Variants in METTL2B observed in about 807,000 individuals in gnomAD.
METTL2B encodes the protein tRNA N(3)-cytidine methyltransferase METTL2B.
A neutral mutation model predicts 51.0 loss-of-function variants in METTL2B; 28 were observed. The observed-to-expected ratio is 0.55, with a 90% confidence interval of 0.41 to 0.75. The LOEUF (loss-of-function observed/expected upper bound fraction) is 0.75, where lower values mean the gene tolerates loss of function less well. METTL2B is among the 30% of genes least tolerant of loss of function. The pLI, the probability that METTL2B is intolerant of heterozygous loss-of-function variation, is 0.00. For synonymous variants in METTL2B, 128 were observed against 166.3 expected (o/e 0.77, Z 1.77); for missense variants, 313 against 460.7 (o/e 0.68, Z 2.93).
At chr7:128,478,252 C>CTT (rs1273795166) in intron 2 of METTL2B, among the ~76,000 whole-genome samples, 22 of 141,028 alleles carry the variant, frequency 1.6e-4, no homozygotes, top group African/African-American at 3.6e-4. Flanking sequence ...ACTGTCCATA[C>CTT]TTTTTTTTTT....
intron 3 of METTL2B, 113 bp downstream of exon 3, chr7:128,479,626 G>C (rs1799848756): frequency 7.6e-6 from 9 of 1,188,650 alleles, no homozygotes; most frequent in Non-Finnish European, 1.1e-5. Flanking sequence ...ATGCTGACTA[G>C]ACTTGACCCT....
At chr7:128,493,263 A>G (rs1180676262) in intron 5 of METTL2B, among the ~76,000 whole-genome samples, 1 of 149,794 alleles carries the variant, frequency 6.7e-6, no homozygotes, top group Non-Finnish European at 1.5e-5. Context: ...CCCAGGCTGG[A>G]GTGCAATGGT....
intron 4 of METTL2B, chr7:128,483,387 CTT>C (rs555574611): frequency 5.2e-4 from 80 of 152,464 alleles, no homozygotes; most frequent in African/African-American, 1.9e-3. Flanking sequence ...AGTATGTCCT[CTT>C]ATCCCTCAGT....
chr7:128,494,017 G>T, intron 6 of METTL2B, 74 bp downstream of exon 6: 1 of 1,552,564 alleles, frequency 6.4e-7, no homozygotes, highest in East Asian at 2.3e-5. Flanking sequence ...TTTAAAATAG[G>T]GTCTTGCTCC....
In METTL2B at chr7:128,494,929, T is replaced by G. The variant is rs577089268; in HGVS notation, c.809+986T>G. Among the ~76,000 whole-genome samples the G allele has an allele frequency of 1.7e-4, 26 of 149,800 alleles. 1 individual carries two copies. The South Asian group carries it at 4.9e-3, about 28-fold the overall frequency. On this transcript the variant is annotated intron_variant, in intron 6 of 8. Coordinates refer to ENST00000262432, the MANE Select transcript of METTL2B (RefSeq NM_018396.3). ...TGTGAGCCACCACGCTGGCCTTTTT[T>G]TTGAAGACGGAGTCTTGCTCTGTTG...
chr7:128,489,926 C>T lies in METTL2B; in HGVS notation c.669+1765C>T, dbSNP rs939789950. Among the ~76,000 whole-genome samples, 30 of 152,270 alleles carry T rather than the reference C, an allele frequency of 2.0e-4. 1 individual carries two copies. The highest frequency in any genetic ancestry group is 7.0e-4 in the African/African-American group (29 of 41,570). ...TACAGGCGTGAGCCACCGCGCCCGG[C>T]CGGCAATTTCTTAAAATAAGGTAAC... On this transcript the variant is annotated intron_variant, in intron 5 of 8. Coordinates refer to ENST00000262432, the MANE Select transcript of METTL2B (RefSeq NM_018396.3).
chr7:128,479,700 T>C (rs746711556), intron 3 of METTL2B, among the ~76,000 whole-genome samples, 187 bp downstream of exon 3: 12 of 152,222 alleles, frequency 7.9e-5, no homozygotes, highest in Non-Finnish European at 1.8e-4. Flanking sequence ...AGACCAGATA[T>C]CTGGTGGTCA....
Position 128,503,325 on chromosome 7 carries a change from T to C in METTL2B, c.*1409T>C, listed in dbSNP as rs1422166902. 6.6e-6 allele frequency: 1 copy of C among 152,208 alleles called. No homozygotes were observed. Among genetic ancestry groups the C allele is most frequent in the African/African-American group, 2.4e-5 (1 of 41,452 alleles). The allele number at this position is 152,208 out of a possible 1,614,324, so 9.4% of individuals were successfully genotyped here. A position where few individuals can be genotyped will look rare whatever the true frequency, so the allele number is the denominator to read the frequency against. On this transcript the variant is annotated 3_prime_UTR_variant, in exon 9 of 9. Transcript: ENST00000262432. ...TTTTCACTTTTTGCAAAATTATCTT[T>C]TTTTACTGCACCCTTAAGTGTTTGA... is the stretch of plus-strand genomic sequence containing the variant.
chr7:128,506,298 CAGCATCCCT>C lies in METTL2B; in HGVS notation c.*4384_*4392del, dbSNP rs1311181039. 6.6e-6 allele frequency: 1 copy of C among 152,224 alleles called. No homozygotes were observed. The highest frequency in any genetic ancestry group is 6.5e-5 in the Admixed American group (1 of 15,268). 9.4% of individuals were successfully genotyped at this position (152,224 alleles called of 1,614,324 possible). A position where few individuals can be genotyped will look rare whatever the true frequency, so the allele number is the denominator to read the frequency against. ...AAATGATTCTCTAAAGACTGTCCTT[CAGCATCCCT>C]AAAGCATTGCAAAACTATAGGCACA... is the stretch of plus-strand genomic sequence containing the variant. On this transcript the variant is annotated 3_prime_UTR_variant, in exon 9 of 9. Coordinates refer to ENST00000262432, the MANE Select transcript of METTL2B (RefSeq NM_018396.3).
rs750627615 is a variant in METTL2B at position 128,502,837 on chromosome 7, G to A, written c.*921G>A. The A allele has an allele frequency of 3.3e-6, 1 of 302,184 alleles. No homozygotes were observed. Among genetic ancestry groups the A allele is most frequent in the Non-Finnish European group, 6.5e-6 (1 of 154,116 alleles). 18.7% of individuals were successfully genotyped at this position (302,184 alleles called of 1,614,324 possible). On this transcript the variant is annotated 3_prime_UTR_variant, in exon 9 of 9. Coordinates refer to ENST00000262432, the MANE Select transcript of METTL2B (RefSeq NM_018396.3). ...CACTTGAACCCAGGAGGCAGAGGTT[G>A]CAGTGAGCTGAGATTGCGCCACTGT...
In METTL2B at chr7:128,476,776, C is replaced by G. The variant is rs1799804296; in HGVS notation, c.11C>G (p.Ser4Cys). ...TCCGGCTCCGGTGTCATGGCCGGCT[C>G]CTACCCTGAAGGTGCACCTGCAATC... MAG[S>C]YPEGAPAILA... is the part of the protein sequence containing the mutation. Residue 4 changes from serine to cysteine, a missense_variant, in exon 1 of 9, where the codon TCC becomes TGC. Physicochemically the swap from Ser to Cys is moderately radical, Grantham distance 112. Transcript: ENST00000262432. 1.2e-6 allele frequency: 2 copies of G among 1,614,082 alleles called. No individual in the cohort carries two copies. The highest frequency in any genetic ancestry group is 1.7e-6 in the Non-Finnish European group (2 of 1,180,004).
intron 8 of METTL2B, 95 bp downstream of exon 8, chr7:128,501,063 T>C: frequency 6.3e-7 from 1 of 1,580,322 alleles, no homozygotes; most frequent in South Asian, 1.2e-5. Context: ...CCTCCTGCCT[T>C]TTAGGCAGGC....
chr7:128,493,925 C>T lies in METTL2B; in HGVS notation c.791C>T (p.Ser264Leu), dbSNP rs761229854. The change falls in exon 6 of 9, where the codon TCA (serine) becomes TTA (leucine). Residue 264 changes from serine (S) to leucine (L), a missense_variant. By Grantham distance (145) the Ser-to-Leu change is moderately radical. Transcript: ENST00000262432. ...LDIIILIFVL[S>L]AVVPDKMQKA... ...ATTATCATTCTCATATTTGTTCTTT[C>T]AGCAGTTGTTCCAGACAAGTAAGTT... 35 of 1,601,242 alleles carry T rather than the reference C, an allele frequency of 2.2e-5. No homozygotes were observed. Among genetic ancestry groups the T allele is most frequent in the African/African-American group, 2.7e-5 (2 of 74,062 alleles).
At chr7:128,482,754 G>A (rs1232913442) in intron 4 of METTL2B, among the ~76,000 whole-genome samples, 9 of 151,084 alleles carry the variant, frequency 6.0e-5, no homozygotes, top group Non-Finnish European at 1.2e-4. Context: ...GGCTGGTCTC[G>A]AACTCCTGAC....
chr7:128,482,960 C>G (rs1799891294), intron 4 of METTL2B: 1 of 152,202 alleles, frequency 6.6e-6, no homozygotes. Flanking sequence ...TATTCATTAA[C>G]AGGATTAAGT....
chr7:128,501,970 A>G lies in METTL2B; in HGVS notation c.*54A>G. On this transcript the variant is annotated 3_prime_UTR_variant, in exon 9 of 9. Transcript: ENST00000262432. ...CCCGTTGTGTTTCCGAGCTTTTTTA[A>G]AAAAAAATTTGTAGCACCGGGCATG... 1 of 1,594,418 alleles carries G rather than the reference A, an allele frequency of 6.3e-7. No individual in the cohort carries two copies. The highest frequency in any genetic ancestry group is 8.6e-7 in the Non-Finnish European group (1 of 1,168,284).
In METTL2B at chr7:128,476,769, G is replaced by A; in HGVS notation, c.4G>A (p.Ala2Thr). The change falls in exon 1 of 9, where the codon GCC becomes ACC. Residue 2 changes from alanine (A) to threonine (T), a missense_variant. Coordinates refer to ENST00000262432, the MANE Select transcript of METTL2B (RefSeq NM_018396.3). The stretch of plus-strand genomic sequence containing the variant: ...AAGTGTTTCCGGCTCCGGTGTCATG[G>A]CCGGCTCCTACCCTGAAGGTGCACC... M[A>T]GSYPEGAPAI... The A allele has an allele frequency of 6.2e-7, 1 of 1,613,928 alleles. No individual in the cohort carries two copies.
At position 128,498,038 on chromosome 7, in the gene METTL2B, T is replaced by C. The variant is rs753857299; in HGVS notation, c.812T>C (p.Met271Thr). The change falls in exon 7 of 9, where the codon ATG (methionine) becomes ACG (threonine). Residue 271 changes from methionine to threonine, a missense_variant and splice_region_variant. This residue lies in a region of METTL2B where 138 missense variants were observed against 187.6 expected (regional missense o/e 0.74). Transcript: ENST00000262432. ...TATAATTCCCTGTGTCTCCACAGGA[T>C]GCAGAAGGCTATCAACAGGCTGAGC... ...FVLSAVVPDK[M>T]QKAINRLSRL... 26 of 1,613,568 alleles carry C rather than the reference T, an allele frequency of 1.6e-5. No individual in the cohort carries two copies. The South Asian group carries it at 2.6e-4, about 16-fold the overall frequency.
At position 128,486,754 on chromosome 7, in the gene METTL2B, G is replaced by A. The variant is rs576015243; in HGVS notation, c.609-1347G>A. Among the ~76,000 whole-genome samples, 7 of 152,212 alleles carry A rather than the reference G, an allele frequency of 4.6e-5. No homozygotes were observed. The South Asian group carries it at 8.3e-4, about 18-fold the overall frequency. On this transcript the variant is annotated intron_variant, in intron 4 of 8. Coordinates refer to ENST00000262432, the MANE Select transcript of METTL2B (RefSeq NM_018396.3). ...AGCCTGGCCAACATGGTGAAACCCC[G>A]TCTCTACTAAAAATACAAAAATTAG...
Sources: allele counts gnomAD v4.1 joint callset (sites outside exome capture counted in the v4.1 genomes callset), GRCh38; gene constraint gnomAD v4.1.1; regional missense constraint gnomAD v4.1.1; transcripts MANE v1.5; gene names NCBI Gene and HGNC (gene_info 2026-07-23, HGNC 2026-07-21).